The following RILPL1 variants were observed in gnomAD, a reference collection of about 807,000 sequenced individuals.
The protein encoded by RILPL1 is RILP-like protein 1.
In RILPL1, 33 loss-of-function variants were observed where a neutral mutation model predicts 50.3. That is an observed-to-expected ratio of 0.66 (90% confidence interval 0.50 to 0.88). The LOEUF is 0.88. Ranked by LOEUF, RILPL1 falls within the 40% of genes least tolerant of loss-of-function variation. RILPL1 has a pLI of 0.00. For missense variants in RILPL1, 418 were observed against 542.5 expected (o/e 0.77, Z 2.28); for synonymous variants, 205 against 228.6 (o/e 0.90, Z 0.93).
At chr12:123,477,038 G>A (rs1426494831) in intron 6 of RILPL1, among the ~76,000 whole-genome samples, 1 of 152,174 alleles carries the variant, frequency 6.6e-6, no homozygotes, top group East Asian at 1.9e-4. Flanking sequence ...GAAGCAGAGG[G>A]GCCAGGCAGG....
intron 4 of RILPL1, among the ~76,000 whole-genome samples, chr12:123,487,553 C>T (rs1005848583): frequency 6.6e-6 from 1 of 152,282 alleles, no homozygotes; most frequent in African/African-American, 2.4e-5. Flanking sequence ...GTGATCCACC[C>T]ACCTCAGCCT....
At chr12:123,501,935 C>T (rs1296461774) in intron 2 of RILPL1, among the ~76,000 whole-genome samples, 2 of 151,432 alleles carry the variant, frequency 1.3e-5, no homozygotes, top group Non-Finnish European at 2.9e-5. Context: ...ATTAGCCAGG[C>T]GTGGTGGCGC....
intron 2 of RILPL1, among the ~76,000 whole-genome samples, chr12:123,514,656 C>A (rs1192862556): frequency 1.3e-5 from 2 of 151,956 alleles, no homozygotes; most frequent in Non-Finnish European, 2.9e-5. Context: ...CAACTCCTGA[C>A]CTGAAGTGAT....
chr12:123,506,362 T>A (rs11523309), intron 2 of RILPL1, among the ~76,000 whole-genome samples: 23,098 of 152,116 alleles, frequency 0.15, 1,853 homozygotes, highest in Non-Finnish European at 0.18. Context: ...AAGGCATGGG[T>A]CAGGGGTTGG....
chr12:123,499,901 C>A lies in RILPL1; in HGVS notation c.461-365G>T, dbSNP rs567079841. Among the ~76,000 whole-genome samples, 4 of 152,034 alleles carry A rather than the reference C, an allele frequency of 2.6e-5. No homozygotes were observed. In the East Asian group the frequency reaches 7.7e-4, roughly 29 times the overall value. ...CTACCTCCCCCACACCTCATTCATTCGCTTCTCTCCATCCCTGACCCACCA... is the reference window on the plus strand; with the variant it reads ...CTACCTCCCCCACACCTCATTCATTAGCTTCTCTCCATCCCTGACCCACCA... On this transcript the variant is annotated intron_variant, in intron 2 of 6. Transcript: ENST00000376874.
chr12:123,476,814 T>C (rs1881624009), intron 6 of RILPL1, among the ~76,000 whole-genome samples: 1 of 152,228 alleles, frequency 6.6e-6, no homozygotes, highest in South Asian at 2.1e-4. Flanking sequence ...ACAGCAGTTC[T>C]AGAAACTGAT....
intron 2 of RILPL1, among the ~76,000 whole-genome samples, chr12:123,510,967 CTG>C (rs1203848859): frequency 1.1e-4 from 11 of 97,876 alleles, no homozygotes; most frequent in East Asian, 3.2e-4. Context: ...TGTGTGAGGT[CTG>C]TGTGTGTGTG....
intron 6 of RILPL1, among the ~76,000 whole-genome samples, chr12:123,477,337 C>CTTTTTTTTTTTTTT (rs371346379): frequency 9.5e-6 from 1 of 105,378 alleles, no homozygotes; most frequent in African/African-American, 3.2e-5. Context: ...TTCTTTCTTT[C>CTTTTTTTTTTTTTT]TTTTTTTTTT....
chr12:123,479,702 C>T (rs138306635), intron 6 of RILPL1, among the ~76,000 whole-genome samples: 178 of 152,292 alleles, frequency 1.2e-3, no homozygotes, highest in African/African-American at 4.0e-3. Flanking sequence ...GGGGCTGCCA[C>T]GGGACTGGTC....
chr12:123,523,612 C>T lies in RILPL1; in HGVS notation c.343G>A (p.Glu115Lys). Residue 115 changes from glutamate (E) to lysine (K), a missense_variant, in exon 2 of 7, where the codon GAG (glutamate) becomes AAG (lysine). Transcript: ENST00000376874. The stretch of plus-strand genomic sequence containing the variant: ...ATCTGGGAGAGGAGGTCCTGCGCCT[C>T]CCCTCGCCACACATCCTCCACCAGC... ...LELVEDVWRG[E>K]AQDLLSQIAQ... 5 of 1,613,846 alleles carry T rather than the reference C, an allele frequency of 3.1e-6. No homozygotes were observed. Among genetic ancestry groups the T allele is most frequent in the Non-Finnish European group, 4.2e-6 (5 of 1,179,866 alleles).
intron 2 of RILPL1, among the ~76,000 whole-genome samples, chr12:123,513,083 TGTGA>T (rs1884467663): frequency 6.9e-6 from 1 of 144,748 alleles, no homozygotes; most frequent in Non-Finnish European, 1.5e-5. Flanking sequence ...CTGTGTGCAG[TGTGA>T]GTGCGTGTAT....
intron 2 of RILPL1, among the ~76,000 whole-genome samples, chr12:123,516,224 T>G (rs1884687015): frequency 6.6e-6 from 1 of 152,118 alleles, no homozygotes; most frequent in Non-Finnish European, 1.5e-5. Flanking sequence ...CAGCTCACAT[T>G]TCTCATGAAG....
intron 2 of RILPL1, among the ~76,000 whole-genome samples, chr12:123,506,728 G>A (rs1883774842): frequency 6.6e-6 from 1 of 152,170 alleles, no homozygotes; most frequent in East Asian, 1.9e-4. Context: ...ATGGGCACGT[G>A]AATTATTTTT....
intron 4 of RILPL1, among the ~76,000 whole-genome samples, chr12:123,494,225 C>G (rs904152201): frequency 6.6e-6 from 1 of 152,218 alleles, no homozygotes; most frequent in Non-Finnish European, 1.5e-5. Flanking sequence ...AAGAGATGGA[C>G]AGGCCTAGGT....
intron 2 of RILPL1, among the ~76,000 whole-genome samples, chr12:123,506,356 C>T (rs1030567645): frequency 6.6e-6 from 1 of 152,162 alleles, no homozygotes; most frequent in Non-Finnish European, 1.5e-5. Context: ...TGCCTTAAGG[C>T]ATGGGTCAGG....
intron 6 of RILPL1, among the ~76,000 whole-genome samples, chr12:123,477,337 C>CTTTTTTT (rs371346379): frequency 3.8e-5 from 4 of 105,336 alleles, no homozygotes; most frequent in African/African-American, 6.5e-5. Flanking sequence ...TTCTTTCTTT[C>CTTTTTTT]TTTTTTTTTT....
intron 4 of RILPL1, among the ~76,000 whole-genome samples, chr12:123,496,964 G>T (rs557772510): frequency 1.3e-5 from 2 of 152,244 alleles, no homozygotes; most frequent in South Asian, 4.1e-4. Flanking sequence ...CCCTCCCCCA[G>T]CCCCATTCGG....
chr12:123,521,615 ATGTG>A (rs1885032454), intron 2 of RILPL1, among the ~76,000 whole-genome samples: 15 of 25,616 alleles, frequency 5.9e-4, no homozygotes, highest in Non-Finnish European at 1.5e-4. Context: ...ATACACACAT[ATGTG>A]TATATATATA....
intron 1 of RILPL1, among the ~76,000 whole-genome samples, chr12:123,525,276 GAC>G (rs986173419): frequency 6.6e-6 from 1 of 151,890 alleles, no homozygotes; most frequent in African/African-American, 2.4e-5. Flanking sequence ...GGAGTGCAGT[GAC>G]ACAGTTATAG....
Sources: gnomAD v4.1 joint callset for allele counts (sites outside exome capture counted in the v4.1 genomes callset) on GRCh38, gnomAD v4.1.1 for gene constraint, MANE v1.5 for transcripts, NCBI Gene and HGNC (gene_info 2026-07-23, HGNC 2026-07-21) for gene names.